ERBB4: variants seen among roughly 807,000 people sequenced by gnomAD.
ERBB4 encodes receptor tyrosine-protein kinase erbB-4.
In ERBB4, 42 loss-of-function variants were observed where a neutral mutation model predicts 158.0. That is an observed-to-expected ratio of 0.27 (90% CI 0.21 to 0.34). The LOEUF (loss-of-function observed/expected upper bound fraction) is 0.34, where lower values mean the gene tolerates loss of function less well. Among genes scored for constraint, ERBB4 ranks in the 10% least tolerant of loss-of-function variants. The pLI, the probability that ERBB4 is intolerant of heterozygous loss-of-function variation, is 1.00. For missense variants in ERBB4, 1,333 were observed against 1,624.1 expected (o/e 0.82, Z 3.08); for synonymous variants, 583 against 558.7 (o/e 1.04, Z -0.61).
At chr2:211,499,791 C>G (rs952092185) in intron 20 of ERBB4, among the ~76,000 whole-genome samples, 1 of 151,884 alleles carries the variant, frequency 6.6e-6, no homozygotes, top group Non-Finnish European at 1.5e-5. Flanking sequence ...ATTTCTGAGA[C>G]TATATAAACT....
chr2:211,939,329 G>T (rs796888507), intron 3 of ERBB4, among the ~76,000 whole-genome samples: 7 of 151,970 alleles, frequency 4.6e-5, no homozygotes, highest in African/African-American at 1.7e-4. Flanking sequence ...GGTTTCCTTA[G>T]ATGTAAAATT....
At chr2:211,616,391 G>A (rs2069392126) in intron 19 of ERBB4, among the ~76,000 whole-genome samples, 1 of 152,002 alleles carries the variant, frequency 6.6e-6, no homozygotes, top group African/African-American at 2.4e-5. Flanking sequence ...CTTATTTCAA[G>A]GGTAGCTTCT....
intron 1 of ERBB4, among the ~76,000 whole-genome samples, chr2:212,257,690 C>T (rs1037050262): frequency 1.3e-5 from 2 of 152,112 alleles, no homozygotes; most frequent in African/African-American, 4.8e-5. Context: ...TGCGATGTCA[C>T]GTGTTGAACA....
At chr2:212,047,501 C>T (rs2077286489) in intron 2 of ERBB4, among the ~76,000 whole-genome samples, 1 of 151,228 alleles carries the variant, frequency 6.6e-6, no homozygotes, top group Non-Finnish European at 1.5e-5. Flanking sequence ...TAGATGGAGT[C>T]TTGTTCTGTC....
chr2:211,987,001 T>C (rs2081953869), intron 2 of ERBB4, among the ~76,000 whole-genome samples: 1 of 152,178 alleles, frequency 6.6e-6, no homozygotes, highest in Non-Finnish European at 1.5e-5. Context: ...TAATGTAAGA[T>C]ACTAGTTCCA....
intron 1 of ERBB4, among the ~76,000 whole-genome samples, chr2:212,358,686 C>T (rs188266625): frequency 2.0e-3 from 298 of 151,674 alleles, no homozygotes; most frequent in Admixed American, 0.011. Context: ...GATAGAATAA[C>T]GAATACTTAA....
rs531544177 is a variant in ERBB4 at position 211,549,839 on chromosome 2, C to T, written c.2487+12064G>A. On this transcript the variant is annotated intron_variant, in intron 20 of 27. Transcript: ENST00000342788. Reference sequence around the variant, plus strand: ...AACCAGCAGTACCTTTATGAGCCAACGACAAAATTCACAAAAATGGAATCC... The same window carrying T: ...AACCAGCAGTACCTTTATGAGCCAATGACAAAATTCACAAAAATGGAATCC... 1.2e-4 allele frequency among the ~76,000 whole-genome samples: 19 copies of T among 152,196 alleles called. No individual in the cohort carries two copies. In the South Asian group the frequency reaches 2.1e-3, roughly 17 times the overall value.
intron 1 of ERBB4, among the ~76,000 whole-genome samples, chr2:212,398,120 G>A (rs901539064): frequency 3.9e-5 from 5 of 128,796 alleles, no homozygotes; most frequent in Non-Finnish European, 8.3e-5. Flanking sequence ...GTGTGTGTGT[G>A]TGTATATATA....
At chr2:212,456,566 T>TAA (rs36106298) in intron 1 of ERBB4, among the ~76,000 whole-genome samples, 16 of 146,762 alleles carry the variant, frequency 1.1e-4, no homozygotes, top group Admixed American at 1.4e-4. Flanking sequence ...CTTCCTCTCT[T>TAA]AAAAAAAAAA....
intron 1 of ERBB4, among the ~76,000 whole-genome samples, chr2:212,270,373 A>G (rs2085299094): frequency 1.3e-5 from 2 of 151,874 alleles, no homozygotes; most frequent in African/African-American, 2.4e-5. Context: ...AGCTTTCTCC[A>G]AGTTCTTCCT....
At chr2:212,406,931 A>G (rs544320633) in intron 1 of ERBB4, among the ~76,000 whole-genome samples, 2 of 152,102 alleles carry the variant, frequency 1.3e-5, no homozygotes, top group Non-Finnish European at 2.9e-5. Flanking sequence ...CACCTACTTC[A>G]GTCTCTTTGC....
intron 1 of ERBB4, among the ~76,000 whole-genome samples, chr2:212,314,586 T>G (rs997867482): frequency 9.3e-5 from 14 of 151,268 alleles, no homozygotes; most frequent in African/African-American, 3.1e-4. Flanking sequence ...TAACCATATT[T>G]TGGTGATTTT....
At chr2:212,362,747 T>C (rs1005179664) in intron 1 of ERBB4, among the ~76,000 whole-genome samples, 1 of 151,164 alleles carries the variant, frequency 6.6e-6, no homozygotes, top group Non-Finnish European at 1.5e-5. Context: ...ATTTAGTAAT[T>C]TTGGTCTCAG....
At chr2:212,064,331 TG>T (rs2077875233) in intron 2 of ERBB4, among the ~76,000 whole-genome samples, 1 of 152,114 alleles carries the variant, frequency 6.6e-6, no homozygotes, top group Admixed American at 6.6e-5. Flanking sequence ...ATGGATGCCA[TG>T]CTAAATAATT....
chr2:211,557,081 G>A (rs1427345022), intron 20 of ERBB4, among the ~76,000 whole-genome samples: 1 of 152,006 alleles, frequency 6.6e-6, no homozygotes, highest in African/African-American at 2.4e-5. Context: ...ATTGAAACTG[G>A]ACCCCTTCCT....
chr2:212,537,095 A>G (rs1218392774), intron 1 of ERBB4, among the ~76,000 whole-genome samples: 1 of 151,340 alleles, frequency 6.6e-6, no homozygotes, highest in East Asian at 1.9e-4. Flanking sequence ...ATTTTGAAAG[A>G]CTCGATAATT....
At position 211,788,109 on chromosome 2, in the gene ERBB4, C is replaced by T. The variant is rs375361752; in HGVS notation, c.472G>A (p.Ala158Thr). The change falls in exon 4 of 28, where the codon GCA (alanine) becomes ACA (threonine). Residue 158 changes from alanine to threonine, a missense_variant. Around this residue, in one of 5 missense-constraint regions of ERBB4, gnomAD observed 438 missense variants for 586.9 expected, o/e 0.75. Transcript: ENST00000342788. ...ATATCTTGCCAATGAATGGTGTCTG[C>T]ATAACAAAGGAATTTGTTCTGGTCT... ...YVDQNKFLCY[A>T]DTIHWQDIVR... The T allele has an allele frequency of 3.3e-5, 53 of 1,612,332 alleles. No homozygotes were observed. The Middle Eastern group carries it at 5.0e-4, about 15-fold the overall frequency.
intron 1 of ERBB4, among the ~76,000 whole-genome samples, chr2:212,357,142 T>G (rs1037204898): frequency 6.6e-6 from 1 of 151,916 alleles, no homozygotes; most frequent in Non-Finnish European, 1.5e-5. Flanking sequence ...CTCTCAGCTT[T>G]TGCTTTTTTC....
At chr2:211,574,790 G>C (rs2067841422) in intron 19 of ERBB4, among the ~76,000 whole-genome samples, 1 of 152,038 alleles carries the variant, frequency 6.6e-6, no homozygotes, top group Non-Finnish European at 1.5e-5. Flanking sequence ...GAGATTATTA[G>C]ACCTGTCACT....
Sources: allele counts gnomAD v4.1 joint callset (sites outside exome capture counted in the v4.1 genomes callset), GRCh38; gene constraint gnomAD v4.1.1; regional missense constraint gnomAD v4.1.1; transcripts MANE v1.5; gene names NCBI Gene and HGNC (gene_info 2026-07-23, HGNC 2026-07-21).